Variants in PCDH7 observed in about 807,000 individuals in gnomAD.
PCDH7 encodes protocadherin 7.
In PCDH7, 17 loss-of-function variants were observed where a neutral mutation model predicts 58.9. The ratio of observed to expected loss-of-function variants is 0.29; its 90% CI spans 0.20 to 0.43. The LOEUF is 0.43. Among genes scored for constraint, PCDH7 ranks in the 20% least tolerant of loss-of-function variants. The pLI is 1.00. For synonymous variants in PCDH7, 664 were observed against 616.4 expected, an observed-to-expected ratio of 1.08 and a Z score of -1.14; for missense variants, 1,274 against 1,441.0, an observed-to-expected ratio of 0.88 and a Z score of 1.88.
At chr4:30,885,036 G>A (rs528767148) in intron 1 of PCDH7, 22 of 152,252 alleles carry the variant, frequency 1.4e-4, no homozygotes, top group Admixed American at 4.6e-4. Context: ...TGAAATGGAA[G>A]GGGAATTATC....
rs377192033 is a variant in PCDH7, at chr4:30,964,155, T to C, written c.*7+13940T>C. On this transcript the variant is annotated intron_variant, in intron 3 of 3. Transcript: ENST00000509759. Reference sequence around the variant, plus strand: ...GAGTTCATTTTCTTTGGGAAATGTCTTATTCATAGCTTTAGTTTGCTATAG... The same window carrying C: ...GAGTTCATTTTCTTTGGGAAATGTCCTATTCATAGCTTTAGTTTGCTATAG... Among the ~76,000 whole-genome samples the C allele has an allele frequency of 9.2e-5, 14 of 152,310 alleles. 1 individual carries two copies. The East Asian group carries it at 1.9e-3, about 21-fold the overall frequency.
At chr4:30,810,471 A>G (rs1319817784) in intron 1 of PCDH7, among the ~76,000 whole-genome samples, 1 of 152,022 alleles carries the variant, frequency 6.6e-6, no homozygotes, top group Non-Finnish European at 1.5e-5. Context: ...AATAAATGGT[A>G]AAATAAATTT....
intron 1 of PCDH7, among the ~76,000 whole-genome samples, chr4:30,738,376 T>G (rs1325960856): frequency 1.3e-5 from 2 of 151,908 alleles, no homozygotes; most frequent in Admixed American, 6.6e-5. Flanking sequence ...AAACCAACCT[T>G]ATGGATCTGT....
intron 3 of PCDH7, among the ~76,000 whole-genome samples, chr4:31,056,512 A>AGAAAGAAAGAAG (rs1560608886): frequency 1.8e-4 from 18 of 101,504 alleles, no homozygotes; most frequent in African/African-American, 7.1e-4. Context: ...AAAGAAAGAA[A>AGAAAGAAAGAAG]GAAAGGGGAA....
intron 1 of PCDH7, among the ~76,000 whole-genome samples, chr4:30,847,085 T>C (rs1732064534): frequency 6.6e-6 from 1 of 152,028 alleles, no homozygotes; most frequent in South Asian, 2.1e-4. Context: ...ATCATACCAC[T>C]GTACTCCAGC....
chr4:31,131,645 T>C (rs1719004034), intron 3 of PCDH7, among the ~76,000 whole-genome samples: 1 of 152,168 alleles, frequency 6.6e-6, no homozygotes, highest in South Asian at 2.1e-4. Context: ...TTCTCTCAAA[T>C]CACAATCACT....
chr4:30,738,621 G>A (rs1179754987), intron 1 of PCDH7, among the ~76,000 whole-genome samples: 1 of 152,052 alleles, frequency 6.6e-6, no homozygotes, highest in Non-Finnish European at 1.5e-5. Flanking sequence ...GTGCATGAGG[G>A]TATATTAATT....
chr4:30,762,172 C>T lies in PCDH7; in HGVS notation c.70+37576C>T, dbSNP rs533464409. 6.2e-4 allele frequency among the ~76,000 whole-genome samples: 94 copies of T among 152,226 alleles called. 1 individual carries two copies. Among genetic ancestry groups the T allele is most frequent in the African/African-American group, 2.2e-3 (92 of 41,536 alleles). ...CTTGGAATGGAATGCTTGGGAGAATCGGCTATAAAAGCTGTGTGTTATTAA... is the reference window on the plus strand; with the variant it reads ...CTTGGAATGGAATGCTTGGGAGAATTGGCTATAAAAGCTGTGTGTTATTAA... On this transcript the variant is annotated intron_variant, in intron 1 of 3. Transcript: ENST00000509759.
chr4:31,087,532 G>C (rs1712613279), intron 3 of PCDH7, among the ~76,000 whole-genome samples: 1 of 152,024 alleles, frequency 6.6e-6, no homozygotes, highest in Admixed American at 6.6e-5. Flanking sequence ...GGTATCTAGA[G>C]ATAGATAGTT....
chr4:31,036,344 C>T (rs796875766), intron 3 of PCDH7, among the ~76,000 whole-genome samples: 17 of 152,252 alleles, frequency 1.1e-4, no homozygotes, highest in African/African-American at 3.9e-4. Flanking sequence ...CACCACCACA[C>T]CCGGCTAATT....
At chr4:30,856,930 TTC>T (rs1163822104) in intron 1 of PCDH7, among the ~76,000 whole-genome samples, 3 of 152,088 alleles carry the variant, frequency 2.0e-5, no homozygotes, top group South Asian at 4.1e-4. Flanking sequence ...GGAAGCTTTT[TTC>T]TTTTTTTTTT....
chr4:30,865,065 C>G (rs1265205497), intron 1 of PCDH7, among the ~76,000 whole-genome samples: 1 of 151,946 alleles, frequency 6.6e-6, no homozygotes, highest in Non-Finnish European at 1.5e-5. Flanking sequence ...TAACACTGAT[C>G]ATACCCTACT....
At chr4:30,997,081 CT>C (rs34696642) in intron 3 of PCDH7, among the ~76,000 whole-genome samples, 41,052 of 145,698 alleles carry the variant, frequency 0.28, 6,345 homozygotes, top group East Asian at 0.54. Flanking sequence ...TCCTTCTTTT[CT>C]TTTTTTTTTT....
intron 3 of PCDH7, among the ~76,000 whole-genome samples, chr4:30,990,574 C>T (rs1053963716): frequency 6.6e-6 from 1 of 152,074 alleles, no homozygotes; most frequent in East Asian, 1.9e-4. Context: ...GAATATAAAT[C>T]AATCTACCTT....
At chr4:30,830,608 T>C (rs1729653714) in intron 1 of PCDH7, among the ~76,000 whole-genome samples, 1 of 152,118 alleles carries the variant, frequency 6.6e-6, no homozygotes, top group Admixed American at 6.6e-5. Flanking sequence ...CTTGACTCTC[T>C]TTCCTGCTCT....
intron 3 of PCDH7, among the ~76,000 whole-genome samples, chr4:31,100,902 T>C (rs1022023732): frequency 1.1e-4 from 16 of 152,236 alleles, no homozygotes; most frequent in Non-Finnish European, 2.2e-4. Context: ...ATTGTTAATT[T>C]CTGCCTAGAT....
At chr4:30,800,080 G>A (rs148429167) in intron 1 of PCDH7, among the ~76,000 whole-genome samples, 2,798 of 151,412 alleles carry the variant, frequency 0.018, 83 homozygotes, top group African/African-American at 0.064. Context: ...GACCGGTCTC[G>A]AACTCCTGAC....
chr4:30,812,308 A>G (rs1036997774), intron 1 of PCDH7, among the ~76,000 whole-genome samples: 17 of 152,198 alleles, frequency 1.1e-4, no homozygotes, highest in African/African-American at 4.1e-4. Flanking sequence ...TATGTTTACC[A>G]ATATTTGTTT....
At chr4:30,995,106 T>C (rs538999847) in intron 3 of PCDH7, among the ~76,000 whole-genome samples, 3 of 152,220 alleles carry the variant, frequency 2.0e-5, no homozygotes, top group Non-Finnish European at 4.4e-5. Flanking sequence ...TTTTTAAACA[T>C]GGCTTAAAGG....
Sources: gnomAD v4.1 joint callset for allele counts (sites outside exome capture counted in the v4.1 genomes callset) on GRCh38, gnomAD v4.1.1 for gene constraint, MANE v1.5 for transcripts, NCBI Gene and HGNC (gene_info 2026-07-23, HGNC 2026-07-21) for gene names.